The following KCNH6 variants were observed in gnomAD, a reference collection of about 807,000 sequenced individuals.
KCNH6 encodes the protein voltage-gated inwardly rectifying potassium channel KCNH6.
KCNH6 carries 81 observed loss-of-function variants against 83.4 expected under a neutral mutation model. That is an observed-to-expected ratio of 0.97 (90% CI 0.81 to 1.17). KCNH6 has a LOEUF of 1.17. Among genes scored for constraint, KCNH6 ranks in the 50% most tolerant of loss-of-function variants. The pLI is 0.00. For synonymous variants in KCNH6, 503 were observed against 545.6 expected, an observed-to-expected ratio of 0.92 and a Z score of 1.09; for missense variants, 1,203 against 1,290.5, an observed-to-expected ratio of 0.93 and a Z score of 1.04.
rs1309811792 is a variant in KCNH6 at position 63,538,193 on chromosome 17, C to G, written c.1630C>G (p.Pro544Ala). Residue 544 changes from proline to alanine, a missense_variant, in exon 7 of 13, where the codon CCA becomes GCA. Pro to Ala is a conservative substitution (Grantham distance 27, BLOSUM62 -1). Transcript: ENST00000314672. The surrounding 1 kb of genome is among the most constrained non-coding windows in gnomAD (Gnocchi z 4.0). ...CATCCGCTTCCACCAGATCCCCAACCCACTGCGCCAGCGCCTGGAGGAGTA... is the reference window on the plus strand; with the variant it reads ...CATCCGCTTCCACCAGATCCCCAACGCACTGCGCCAGCGCCTGGAGGAGTA... ...EFIRFHQIPN[P>A]LRQRLEEYFQ... The G allele has an allele frequency of 2.5e-6, 4 of 1,614,062 alleles. No homozygotes were observed. The African/African-American group carries it at 4.0e-5, about 16-fold the overall frequency.
intron 2 of KCNH6, among the ~76,000 whole-genome samples, chr17:63,526,379 C>G (rs948616990): frequency 6.8e-6 from 1 of 147,700 alleles, no homozygotes; most frequent in East Asian, 2.0e-4. Context: ...CCACTCTGAC[C>G]TCATATAATC....
At chr17:63,543,155 C>T (rs1004600094) in intron 9 of KCNH6, among the ~76,000 whole-genome samples, 22 of 152,200 alleles carry the variant, frequency 1.4e-4, no homozygotes, top group Admixed American at 6.5e-5. Context: ...CCTGGTGCCC[C>T]GCCCCTCCAC....
rs760814668 is a variant in KCNH6 at position 63,533,905 on chromosome 17, A to T, written c.695A>T (p.Asp232Val). Residue 232 changes from aspartate to valine, a missense_variant, in exon 5 of 13, where the codon GAT (aspartate) becomes GTT (valine). Coordinates refer to ENST00000314672, the MANE Select transcript of KCNH6 (RefSeq NM_001278919.2). The surrounding 1 kb of genome is among the most constrained non-coding windows in gnomAD (Gnocchi z 4.1). ...KVTQVLSLGADVLPEYKLQAP... is the reference protein window; with the variant it reads ...KVTQVLSLGAVVLPEYKLQAP... ...CCCCAGGTCCTGTCCCTGGGCGCGG[A>T]TGTGCTGCCGGAGTACAAGCTGCAG... 1.2e-6 allele frequency: 2 copies of T among 1,613,362 alleles called. No individual in the cohort carries two copies. The highest frequency in any genetic ancestry group is 2.2e-5 in the South Asian group (2 of 91,056).
At position 63,545,216 on chromosome 17, in the gene KCNH6, G is replaced by C. The variant is rs149263021; in HGVS notation, c.2535G>C (p.Thr845=). The stretch of plus-strand genomic sequence containing the variant: ...CCTTGGTTCCTATAGCCTCGGAGAC[G>C]ACGAGTCCAGGGCCCAGGCTGCCCC... ...DLALVPIASE[T]TSPGPRLPQG... The change falls in exon 12 of 13, where the codon ACG becomes ACC. Residue 845 remains threonine, a synonymous_variant. Transcript: ENST00000314672. 2 of 1,613,748 alleles carry C rather than the reference G, an allele frequency of 1.2e-6. No individual in the cohort carries two copies. The highest frequency in any genetic ancestry group is 1.7e-6 in the Non-Finnish European group (2 of 1,180,026).
Position 63,535,523 on chromosome 17 carries a change from C to T in KCNH6, c.1102-146C>T, listed in dbSNP as rs2032422447. 2.8e-6 allele frequency: 2 copies of T among 719,028 alleles called. No homozygotes were observed. The highest frequency in any genetic ancestry group is 1.8e-5 in the South Asian group (1 of 54,212). 44.5% of individuals were successfully genotyped at this position (719,028 alleles called of 1,614,324 possible). A position where few individuals can be genotyped will look rare whatever the true frequency, so the allele number is the denominator to read the frequency against. ...CCTCAATGTCCCATACTGTGCCACA[C>T]TGCCAAGTGCGTGGCCCGGAGGAAG... On this transcript the variant is annotated intron_variant, in intron 5 of 12. Transcript: ENST00000314672. The surrounding 1 kb of genome is among the most constrained non-coding windows in gnomAD (Gnocchi z 4.9).
Position 63,530,221 on chromosome 17 carries a change from G to C in KCNH6, c.438G>C (p.Gln146His). The change falls in exon 3 of 13, where the codon CAG becomes CAC. Residue 146 changes from glutamine (Q) to histidine (H), a missense_variant. Transcript: ENST00000314672. ...AGTGCAGCAGCCGCAGCTTGTCCCA[G>C]CGCCTGTTGTCCCAGAGCTTCCTGG... ...LAKCSSRSLSQRLLSQSFLGS... is the reference protein window; with the variant it reads ...LAKCSSRSLSHRLLSQSFLGS... 3.1e-6 allele frequency: 5 copies of C among 1,614,192 alleles called. No individual in the cohort carries two copies. Among genetic ancestry groups the C allele is most frequent in the Non-Finnish European group, 4.2e-6 (5 of 1,180,018 alleles).
rs532235051 is a variant in KCNH6 at position 63,527,845 on chromosome 17, C to G, written c.308-2246C>G. 2.6e-5 allele frequency among the ~76,000 whole-genome samples: 4 copies of G among 152,274 alleles called. 1 individual carries two copies. The highest frequency in any genetic ancestry group is 9.6e-5 in the African/African-American group (4 of 41,540). Reference sequence around the variant, plus strand: ...GGACTCTTCCAAATCCTCCTAGCCTCCTGTCTGCCTACCCAACAGGCCACA... The same window carrying G: ...GGACTCTTCCAAATCCTCCTAGCCTGCTGTCTGCCTACCCAACAGGCCACA... On this transcript the variant is annotated intron_variant, in intron 2 of 12. Coordinates refer to ENST00000314672, the MANE Select transcript of KCNH6 (RefSeq NM_001278919.2).
intron 10 of KCNH6, 143 bp from the exon 11 acceptor site, chr17:63,544,106 T>C: frequency 6.2e-7 from 1 of 1,608,996 alleles, no homozygotes; most frequent in Non-Finnish European, 8.5e-7. Flanking sequence ...GACCTTGTGC[T>C]CCAGGGCACC....
At chr17:63,546,998 A>G (rs2033162093), downstream of KCNH6, among the ~76,000 whole-genome samples, 1 of 152,170 alleles carries the variant, frequency 6.6e-6, no homozygotes, top group Non-Finnish European at 1.5e-5. Context: ...CACTGTGCTG[A>G]CAGCTCTGCA....
At chr17:63,547,495 CATCT>C (rs1598020356), downstream of KCNH6, among the ~76,000 whole-genome samples, 3 of 152,288 alleles carry the variant, frequency 2.0e-5, no homozygotes, top group Admixed American at 2.0e-4. Context: ...GAGCCACCAC[CATCT>C]ATTTTAAAAA....
At chr17:63,544,108 C>A in intron 10 of KCNH6, 141 bp from the exon 11 acceptor site, 1 of 1,608,418 alleles carries the variant, frequency 6.2e-7, no homozygotes, top group Non-Finnish European at 8.5e-7. Flanking sequence ...CCTTGTGCTC[C>A]AGGGCACCCA....
At chr17:63,541,648 A>C (rs1386718173) in intron 8 of KCNH6, among the ~76,000 whole-genome samples, 1 of 152,142 alleles carries the variant, frequency 6.6e-6, no homozygotes, top group Non-Finnish European at 1.5e-5. Flanking sequence ...TTCCCTGAAC[A>C]GTCCAGTGGG....
In KCNH6 at chr17:63,535,735, C is replaced by T. The variant is rs758121601; in HGVS notation, c.1168C>T (p.Leu390=). Residue 390 remains leucine, a synonymous_variant, in exon 6 of 13, where the codon CTG becomes TTG. Coordinates refer to ENST00000314672, the MANE Select transcript of KCNH6 (RefSeq NM_001278919.2). This position sits in a 1 kb window ranked among gnomAD's most constrained non-coding sequence, Gnocchi z 4.9. ...LLRLVRVARK[L]DRYSEYGAAV... ...GCGGCTGGTGCGCGTAGCACGGAAG[C>T]TGGACCGCTACTCTGAGTATGGGGC... 2.5e-6 allele frequency: 4 copies of T among 1,613,784 alleles called. No individual in the cohort carries two copies. Among genetic ancestry groups the T allele is most frequent in the Non-Finnish European group, 3.4e-6 (4 of 1,180,008 alleles).
downstream of KCNH6, chr17:63,548,654 C>T (rs1568093722): frequency 6.6e-6 from 1 of 152,158 alleles, no homozygotes; most frequent in Non-Finnish European, 1.5e-5. Flanking sequence ...AAATATACGT[C>T]ATAAAAGAGA....
At position 63,538,594 on chromosome 17, in the gene KCNH6, C is replaced by T. The variant is rs560791257; in HGVS notation, c.1886C>T (p.Ser629Phe). Residue 629 changes from serine to phenylalanine, a missense_variant, in exon 8 of 13, where the codon TCC becomes TTC. Physicochemically the swap from Ser to Phe is radical, Grantham distance 155. Coordinates refer to ENST00000314672, the MANE Select transcript of KCNH6 (RefSeq NM_001278919.2). This position sits in a 1 kb window ranked among gnomAD's most constrained non-coding sequence, Gnocchi z 4.0. ...DTLVHLGDVL[S>F]TLYFISRGSI... ...CTGGTGCACCTCGGCGACGTGCTCTCCACCCTCTACTTCATCTCCCGAGGC... is the reference window on the plus strand; with the variant it reads ...CTGGTGCACCTCGGCGACGTGCTCTTCACCCTCTACTTCATCTCCCGAGGC... 1 of 1,612,886 alleles carries T rather than the reference C, an allele frequency of 6.2e-7. No homozygotes were observed. Among genetic ancestry groups the T allele is most frequent in the South Asian group, 1.1e-5 (1 of 90,970 alleles).
In KCNH6 at chr17:63,535,939, T is replaced by C. The variant is rs2032467482; in HGVS notation, c.1372T>C (p.Ser458Pro). 1 of 1,613,846 alleles carries C rather than the reference T, an allele frequency of 6.2e-7. No individual in the cohort carries two copies. The highest frequency in any genetic ancestry group is 1.1e-5 in the South Asian group (1 of 91,092). ...CGGCAGCGACCCAGCCTCGGGCCCC[T>C]CGGTGCAGGACAAGTATGTCACAGC... The part of the protein sequence containing the change: ...YNGSDPASGP[S>P]VQDKYVTALY... Residue 458 changes from serine (S) to proline (P), a missense_variant, in exon 6 of 13, where the codon TCG becomes CCG. Coordinates refer to ENST00000314672, the MANE Select transcript of KCNH6 (RefSeq NM_001278919.2). The surrounding 1 kb of genome is among the most constrained non-coding windows in gnomAD (Gnocchi z 4.9).
At chr17:63,546,887 G>C (rs1271196649), downstream of KCNH6, among the ~76,000 whole-genome samples, 1 of 152,132 alleles carries the variant, frequency 6.6e-6, no homozygotes, top group Non-Finnish European at 1.5e-5. Context: ...TGGAGCCTGG[G>C]GCTGTTAGGC....
rs566108142 is a variant in KCNH6 at position 63,529,722 on chromosome 17, T to G, written c.308-369T>G. On this transcript the variant is annotated intron_variant, in intron 2 of 12. Coordinates refer to ENST00000314672, the MANE Select transcript of KCNH6 (RefSeq NM_001278919.2). ...GAAGAGCGCCCAGGGCCAACCCAGCTCCATGGGGTAGAATGCCCAGCCTCA... is the reference window on the plus strand; with the variant it reads ...GAAGAGCGCCCAGGGCCAACCCAGCGCCATGGGGTAGAATGCCCAGCCTCA... Among the ~76,000 whole-genome samples, 5 of 152,148 alleles carry G rather than the reference T, an allele frequency of 3.3e-5. No individual in the cohort carries two copies. In the East Asian group the frequency reaches 9.7e-4, roughly 30 times the overall value.
chr17:63,544,063 T>C (rs1598014039), intron 10 of KCNH6, 186 bp from the exon 11 acceptor site: 11 of 1,607,054 alleles, frequency 6.8e-6, no homozygotes, highest in Non-Finnish European at 9.3e-6. Flanking sequence ...TACAGCCTCC[T>C]GGGTCCTGGG....
Sources: gnomAD v4.1 joint callset for allele counts (sites outside exome capture counted in the v4.1 genomes callset) on GRCh38, gnomAD v4.1.1 for gene constraint, Gnocchi (gnomAD v3.1) non-coding constraint, MANE v1.5 for transcripts, NCBI Gene and HGNC (gene_info 2026-07-23, HGNC 2026-07-21) for gene names.